The following TBC1D1 variants were observed in gnomAD, a reference collection of about 807,000 sequenced individuals.
The protein encoded by TBC1D1 is TBC1 domain family member 1.
A neutral mutation model predicts 125.6 loss-of-function variants in TBC1D1; 89 were observed. The ratio of observed to expected loss-of-function variants is 0.71; its 90% CI spans 0.60 to 0.85. The LOEUF (loss-of-function observed/expected upper bound fraction) is 0.85, where lower values mean the gene tolerates loss of function less well. Ranked by LOEUF, TBC1D1 falls within the 40% of genes least tolerant of loss-of-function variation. TBC1D1 has a pLI of 0.00. For missense variants in TBC1D1, 1,377 were observed against 1,469.2 expected (o/e 0.94, Z 1.03); for synonymous variants, 565 against 564.1 (o/e 1.00, Z -0.02).
chr4:38,127,089 G>T (rs138306666), intron 18 of TBC1D1, among the ~76,000 whole-genome samples: 1 of 151,426 alleles, frequency 6.6e-6, no homozygotes, highest in East Asian at 1.9e-4. Context: ...CCTAGACTGA[G>T]GGCTATATCC....
intron 10 of TBC1D1, among the ~76,000 whole-genome samples, chr4:38,048,849 G>A (rs756404783): frequency 4.6e-5 from 7 of 152,114 alleles, no homozygotes; most frequent in Admixed American, 2.0e-4. Flanking sequence ...AGCGTGCATC[G>A]TGAAGGCATA....
chr4:37,928,117 C>T (rs1015981878), intron 2 of TBC1D1, among the ~76,000 whole-genome samples: 5 of 152,156 alleles, frequency 3.3e-5, no homozygotes, highest in Admixed American at 3.3e-4. Flanking sequence ...GTATCACTAT[C>T]TTGGGTTTTT....
chr4:38,021,625 G>A lies in TBC1D1; in HGVS notation c.1117G>A (p.Val373Met), dbSNP rs769558458. 2 of 1,589,280 alleles carry A rather than the reference G, an allele frequency of 1.3e-6. No individual in the cohort carries two copies. Among genetic ancestry groups the A allele is most frequent in the Admixed American group, 3.6e-5 (2 of 55,814 alleles). Residue 373 changes from valine (V) to methionine (M), a missense_variant, in exon 6 of 20, where the codon GTG becomes ATG. This residue lies in a region of TBC1D1 where 822 missense variants were observed against 824.6 expected (regional missense o/e 1.00). Transcript: ENST00000261439. ...GATGACCCTGAAACAGGCCTTCACG[G>A]TGGCCGCAGTGCAGCAGACAGCTAA... is the stretch of plus-strand genomic sequence containing the variant.
chr4:37,976,997 T>G (rs1733223635), intron 2 of TBC1D1, among the ~76,000 whole-genome samples: 1 of 152,176 alleles, frequency 6.6e-6, no homozygotes, highest in Non-Finnish European at 1.5e-5. Flanking sequence ...CCCTGGAAAG[T>G]TGGGCGGGCT....
At position 38,112,863 on chromosome 4, in the gene TBC1D1, C is replaced by T. The variant is rs538998232; in HGVS notation, c.2558-2847C>T. Among the ~76,000 whole-genome samples, 21 of 152,280 alleles carry T rather than the reference C, an allele frequency of 1.4e-4. No individual in the cohort carries two copies. The East Asian group carries it at 2.7e-3, about 20-fold the overall frequency. ...CTGACTGTGGATGGCCTGGCTCTGCCGTTAGATTGCCACGGTGCCCTCCTC... is the reference window on the plus strand; with the variant it reads ...CTGACTGTGGATGGCCTGGCTCTGCTGTTAGATTGCCACGGTGCCCTCCTC... On this transcript the variant is annotated intron_variant, in intron 15 of 19. Transcript: ENST00000261439.
chr4:37,979,810 G>C (rs551253108), intron 2 of TBC1D1, among the ~76,000 whole-genome samples: 1 of 152,166 alleles, frequency 6.6e-6, no homozygotes, highest in African/African-American at 2.4e-5. Flanking sequence ...ACAGAGCTTC[G>C]CTCTTGTTGT....
chr4:38,114,847 T>C (rs1482178676), intron 15 of TBC1D1, among the ~76,000 whole-genome samples: 3 of 152,178 alleles, frequency 2.0e-5, no homozygotes, highest in Non-Finnish European at 4.4e-5. Flanking sequence ...CTCCTCAGGC[T>C]GTTTCAAAAC....
chr4:38,041,457 CATT>C (rs1406737063), intron 8 of TBC1D1, among the ~76,000 whole-genome samples: 1 of 152,192 alleles, frequency 6.6e-6, no homozygotes, highest in Non-Finnish European at 1.5e-5. Context: ...GGACATTCCT[CATT>C]ATTTCCCTTG....
Position 38,019,133 on chromosome 4 carries a change from C to T in TBC1D1, c.972+690C>T, listed in dbSNP as rs893592719. Among the ~76,000 whole-genome samples the T allele has an allele frequency of 2.0e-5, 3 of 151,698 alleles. No individual in the cohort carries two copies. In the South Asian group the frequency reaches 6.2e-4, roughly 31 times the overall value. On this transcript the variant is annotated intron_variant, in intron 4 of 19. Coordinates refer to ENST00000261439, the MANE Select transcript of TBC1D1 (RefSeq NM_015173.4). Reference sequence around the variant, plus strand: ...TAGCTGTGCCAGTTTTACTCAGGATCTTCCTAACAAATATGAGATCACTTA... The same window carrying T: ...TAGCTGTGCCAGTTTTACTCAGGATTTTCCTAACAAATATGAGATCACTTA...
intron 2 of TBC1D1, among the ~76,000 whole-genome samples, chr4:37,954,948 G>A (rs926328301): frequency 5.6e-5 from 8 of 143,074 alleles, no homozygotes; most frequent in Non-Finnish European, 1.2e-4. Context: ...GTGCAGTGGC[G>A]TGATCCGATC....
intron 2 of TBC1D1, among the ~76,000 whole-genome samples, chr4:37,912,921 T>G (rs1718923312): frequency 6.6e-6 from 1 of 152,172 alleles, no homozygotes; most frequent in African/African-American, 2.4e-5. Flanking sequence ...ACAGTTACTA[T>G]TAGAAGCACT....
At chr4:38,039,268 C>T (rs890055592) in intron 8 of TBC1D1, among the ~76,000 whole-genome samples, 6 of 151,592 alleles carry the variant, frequency 4.0e-5, no homozygotes, top group African/African-American at 1.5e-4. Context: ...CAGGTGCCTG[C>T]CACCACTCCC....
At chr4:37,956,341 GC>G (rs1199602922) in intron 2 of TBC1D1, among the ~76,000 whole-genome samples, 2 of 152,060 alleles carry the variant, frequency 1.3e-5, no homozygotes, top group Non-Finnish European at 2.9e-5. Context: ...AATACACTAT[GC>G]CATTTAAAAA....
intron 1 of TBC1D1, among the ~76,000 whole-genome samples, chr4:37,895,512 T>C (rs1714370296): frequency 6.6e-6 from 1 of 152,152 alleles, no homozygotes; most frequent in Admixed American, 6.5e-5. Context: ...GAGACCAGCC[T>C]GGCAAACATG....
chr4:38,135,914 G>A (rs548239689), intron 19 of TBC1D1, among the ~76,000 whole-genome samples: 4,144 of 118,308 alleles, frequency 0.035, 72 homozygotes, highest in Non-Finnish European at 0.051. Flanking sequence ...ATATATACGT[G>A]TGTGTGTATA....
chr4:38,043,515 C>T (rs1748807745), intron 8 of TBC1D1, among the ~76,000 whole-genome samples: 1 of 149,854 alleles, frequency 6.7e-6, no homozygotes. Flanking sequence ...CCTGGGAGGT[C>T]AAGACTGCAG....
At chr4:37,972,960 T>C (rs1364661274) in intron 2 of TBC1D1, among the ~76,000 whole-genome samples, 1 of 151,552 alleles carries the variant, frequency 6.6e-6, no homozygotes, top group African/African-American at 2.4e-5. Flanking sequence ...GATTTTCTGA[T>C]GTTAAGTTTC....
At chr4:37,948,949 AC>A (rs1398001684) in intron 2 of TBC1D1, among the ~76,000 whole-genome samples, 1 of 152,008 alleles carries the variant, frequency 6.6e-6, no homozygotes, top group East Asian at 1.9e-4. Flanking sequence ...TATATCAGTA[AC>A]TCATTTCCTT....
At chr4:37,908,359 C>G (rs1717809643) in intron 2 of TBC1D1, among the ~76,000 whole-genome samples, 1 of 152,148 alleles carries the variant, frequency 6.6e-6, no homozygotes, top group Non-Finnish European at 1.5e-5. Flanking sequence ...GCGCCCGCCA[C>G]CACTCCCAGC....
Sources: allele counts gnomAD v4.1 joint callset (sites outside exome capture counted in the v4.1 genomes callset), GRCh38; gene constraint gnomAD v4.1.1; regional missense constraint gnomAD v4.1.1; transcripts MANE v1.5; gene names NCBI Gene and HGNC (gene_info 2026-07-23, HGNC 2026-07-21).